GLIS3: variants seen among roughly 807,000 people sequenced by gnomAD.
GLIS3 encodes GLIS family zinc finger 3, also known as zinc finger protein GLIS3.
In GLIS3, 53 loss-of-function variants were observed where a neutral mutation model predicts 78.6. The ratio of observed to expected loss-of-function variants is 0.67; its 90% CI spans 0.54 to 0.85. The LOEUF (loss-of-function observed/expected upper bound fraction) is 0.85, where lower values mean the gene tolerates loss of function less well. GLIS3 is among the 40% of genes least tolerant of loss of function. The probability of loss-of-function intolerance (pLI) is 0.00; values close to 1 mark genes in which losing one functional copy is unlikely to be tolerated. For synonymous variants in GLIS3, 684 were observed against 509.9 expected (o/e 1.34, Z -4.60); for missense variants, 1,703 against 1,231.1 (o/e 1.38, Z -5.74).
chr9:4,453,492 C>T, the GLIS3 span, among the ~76,000 whole-genome samples: 1 of 151,628 alleles, frequency 6.6e-6, no homozygotes, highest in South Asian at 2.1e-4. Context: ...AAGAAAAAAA[C>T]AACCCCATCA....
In GLIS3 at chr9:4,125,633, A is replaced by AGTGT. The variant is rs71497518; in HGVS notation, c.596+97_596+100dup. On this transcript the variant is annotated intron_variant, in intron 3 of 10. Coordinates refer to ENST00000381971, the MANE Select transcript of GLIS3 (RefSeq NM_001042413.2). ...AGTTGCTTGAGTGTGTAAGTGTATGAGTGTGTGTGTGTGTGTGTGTGTATT... is the reference window on the plus strand; with the variant it reads ...AGTTGCTTGAGTGTGTAAGTGTATGAGTGTGTGTGTGTGTGTGTGTGTGTGTATT... 0.048 allele frequency: 36,410 copies of AGTGT among 751,220 alleles called. 200 individuals carry two copies. The highest frequency in any genetic ancestry group is 0.096 in the Admixed American group (5,132 of 53,260). 46.5% of individuals were successfully genotyped at this position (751,220 alleles called of 1,614,324 possible). A position where few individuals can be genotyped will look rare whatever the true frequency, so the allele number is the denominator to read the frequency against.
intron 4 of GLIS3, among the ~76,000 whole-genome samples, chr9:3,964,391 T>G (rs962284878): frequency 6.6e-6 from 1 of 152,192 alleles, no homozygotes; most frequent in Non-Finnish European, 1.5e-5. Flanking sequence ...CTCTTTGCAC[T>G]GTATTTAACA....
intron 4 of GLIS3, among the ~76,000 whole-genome samples, chr9:4,013,382 A>T (rs1822191317): frequency 6.6e-6 from 1 of 152,196 alleles, no homozygotes; most frequent in Non-Finnish European, 1.5e-5. Context: ...CCAATATCCA[A>T]GGAAGCTGTA....
At chr9:4,226,969 T>C (rs1175185613) in intron 2 of GLIS3, among the ~76,000 whole-genome samples, 1 of 152,228 alleles carries the variant, frequency 6.6e-6, no homozygotes, top group Admixed American at 6.5e-5. Context: ...CTCAGCCATA[T>C]AGAGATAAAT....
intron 4 of GLIS3, among the ~76,000 whole-genome samples, chr9:4,000,760 A>C (rs980087372): frequency 6.6e-6 from 1 of 152,104 alleles, no homozygotes; most frequent in African/African-American, 2.4e-5. Context: ...TGACACACTG[A>C]ATTATCAGAT....
chr9:4,067,067 A>C (rs1266311624), intron 4 of GLIS3, among the ~76,000 whole-genome samples: 1 of 152,110 alleles, frequency 6.6e-6, no homozygotes, highest in East Asian at 1.9e-4. Flanking sequence ...CCTTCTTCCA[A>C]ATTCCTAGTT....
At chr9:4,145,335 C>G (rs530981198) in intron 2 of GLIS3, 2 of 152,294 alleles carry the variant, frequency 1.3e-5, no homozygotes, top group Admixed American at 6.5e-5. Flanking sequence ...CTGGAGAACA[C>G]GCTGGTAAAT....
intron 2 of GLIS3, among the ~76,000 whole-genome samples, chr9:4,342,484 G>C (rs1317105648): frequency 6.6e-6 from 1 of 152,046 alleles, no homozygotes. Context: ...ATGCTATTTG[G>C]GTTACTGCGG....
At chr9:4,430,547 A>T in the GLIS3 span, among the ~76,000 whole-genome samples, 1 of 152,342 alleles carries the variant, frequency 6.6e-6, no homozygotes, top group East Asian at 1.9e-4. Flanking sequence ...TGATGATTCC[A>T]TGAAACTGAG....
chr9:4,350,890 G>A (rs1377647608), upstream of GLIS3, among the ~76,000 whole-genome samples: 1 of 152,150 alleles, frequency 6.6e-6, no homozygotes, highest in Non-Finnish European at 1.5e-5. Context: ...ACCAGAACCA[G>A]CTACGTAATT....
At chr9:4,470,739 G>A in the GLIS3 span, among the ~76,000 whole-genome samples, 76,415 of 145,680 alleles carry the variant, frequency 0.52, 19,945 homozygotes, top group Middle Eastern at 0.65. Context: ...ACATAGTGTT[G>A]GAAGTTCTGG....
chr9:4,036,709 C>G (rs1381455425), intron 4 of GLIS3, among the ~76,000 whole-genome samples: 3 of 152,174 alleles, frequency 2.0e-5, no homozygotes, highest in Non-Finnish European at 1.5e-5. Context: ...TGAACTTTGA[C>G]TCCCAAATTA....
At chr9:4,430,602 T>C in the GLIS3 span, among the ~76,000 whole-genome samples, 31 of 152,328 alleles carry the variant, frequency 2.0e-4, no homozygotes, top group South Asian at 6.2e-3. Context: ...GGTTTCAAGA[T>C]CACTATGTTC....
chr9:3,864,616 G>A (rs577264825), intron 8 of GLIS3, among the ~76,000 whole-genome samples: 4 of 152,134 alleles, frequency 2.6e-5, no homozygotes, highest in African/African-American at 4.8e-5. Flanking sequence ...GAAACTGGCC[G>A]GGTGACGCTT....
chr9:4,238,809 C>G (rs1823020297), intron 2 of GLIS3, among the ~76,000 whole-genome samples: 1 of 152,088 alleles, frequency 6.6e-6, no homozygotes, highest in Non-Finnish European at 1.5e-5. Context: ...TTCCGTGAGT[C>G]AAGCTTTCCC....
chr9:4,354,872 T>C, the GLIS3 span, among the ~76,000 whole-genome samples: 2 of 152,042 alleles, frequency 1.3e-5, no homozygotes, highest in African/African-American at 4.8e-5. Flanking sequence ...ATCCCAACAC[T>C]TTGGGAGGCC....
chr9:4,371,066 C>G, the GLIS3 span, among the ~76,000 whole-genome samples: 1 of 152,216 alleles, frequency 6.6e-6, no homozygotes, highest in East Asian at 1.9e-4. Context: ...ATTTTATTCA[C>G]TTGTATTGTC....
intron 4 of GLIS3, among the ~76,000 whole-genome samples, chr9:4,114,713 T>C (rs1250574002): frequency 1.3e-5 from 2 of 152,102 alleles, no homozygotes; most frequent in Non-Finnish European, 2.9e-5. Context: ...ACAGAGGCCT[T>C]TACTTCTCAA....
the GLIS3 span, among the ~76,000 whole-genome samples, chr9:4,400,739 T>A: frequency 1.3e-5 from 2 of 152,206 alleles, no homozygotes; most frequent in African/African-American, 4.8e-5. Context: ...CACAGTAGGA[T>A]AGGGCTCTGG....
Sources: allele counts gnomAD v4.1 joint callset (sites outside exome capture counted in the v4.1 genomes callset), GRCh38; gene constraint gnomAD v4.1.1; transcripts MANE v1.5; gene names NCBI Gene and HGNC (gene_info 2026-07-23, HGNC 2026-07-21).